NOX3: variants seen among roughly 807,000 people sequenced by gnomAD.
NOX3 encodes NADPH oxidase catalytic subunit-like 3.
Under a neutral mutation model 76.7 loss-of-function variants are expected in NOX3, and 74 were observed. The ratio of observed to expected loss-of-function variants is 0.96; its 90% CI spans 0.80 to 1.17. The LOEUF (loss-of-function observed/expected upper bound fraction) is 1.17. Ranked by LOEUF, NOX3 falls within the 50% of genes most tolerant of loss-of-function variation. NOX3 has a pLI of 0.00. For synonymous variants in NOX3, 263 were observed against 261.1 expected (o/e 1.01, Z -0.07); for missense variants, 695 against 703.3 (o/e 0.99, Z 0.13).
intron 6 of NOX3, among the ~76,000 whole-genome samples, chr6:155,438,660 C>T (rs185405612): frequency 1.3e-5 from 2 of 152,288 alleles, no homozygotes; most frequent in Admixed American, 1.3e-4. Flanking sequence ...AGGGCAAATC[C>T]CAAAGCGTTG....
At chr6:155,433,822 A>G (rs1776866444) in intron 7 of NOX3, among the ~76,000 whole-genome samples, 1 of 152,140 alleles carries the variant, frequency 6.6e-6, no homozygotes, top group Admixed American at 6.5e-5. Context: ...TTGGACCTCA[A>G]TTTCCTCAGC....
Position 155,455,119 on chromosome 6 carries a change from A to C in NOX3, c.59T>G (p.Leu20Arg), listed in dbSNP as rs755788943. Residue 20 changes from leucine to arginine, a missense_variant, in exon 2 of 14, where the codon CTG (leucine) becomes CGG (arginine). Leu to Arg is a moderately radical substitution (Grantham distance 102). Transcript: ENST00000159060. ...GLSTILVLSW[L>R]GINFYLFIDT... is the part of the protein sequence containing the mutation. ...AATAAACAGATAAAAATTTATTCCC[A>C]GCCATGAGAGCTAGAGTAGAAAGGA... is the stretch of plus-strand genomic sequence containing the variant. The C allele has an allele frequency of 6.2e-7, 1 of 1,607,916 alleles. No individual in the cohort carries two copies. The highest frequency in any genetic ancestry group is 8.5e-7 in the Non-Finnish European group (1 of 1,175,108).
intron 6 of NOX3, among the ~76,000 whole-genome samples, chr6:155,437,994 A>G (rs772765984): frequency 6.6e-6 from 1 of 152,238 alleles, no homozygotes; most frequent in Non-Finnish European, 1.5e-5. Flanking sequence ...TAAAAATTTC[A>G]TCTTATGAGA....
chr6:155,411,135 T>C (rs1776543938), intron 11 of NOX3, 79 bp downstream of exon 11: 1 of 1,244,740 alleles, frequency 8.0e-7, no homozygotes. Flanking sequence ...GAGTGCTACA[T>C]AGCTCATTAT....
chr6:155,416,316 T>C (rs1776620756), intron 10 of NOX3, among the ~76,000 whole-genome samples: 1 of 152,264 alleles, frequency 6.6e-6, no homozygotes, highest in Non-Finnish European at 1.5e-5. Context: ...AATTTCTCTC[T>C]GTGAAAAGAT....
At chr6:155,426,502 G>A (rs1172681375) in intron 9 of NOX3, among the ~76,000 whole-genome samples, 2 of 152,192 alleles carry the variant, frequency 1.3e-5, no homozygotes, top group African/African-American at 4.8e-5. Context: ...TGTTTCATGT[G>A]CAGTGGGAAG....
rs756608628 is a variant in NOX3 at position 155,454,853 on chromosome 6, A to C, written c.213T>G (p.Pro71=). 2 of 1,605,502 alleles carry C rather than the reference A, an allele frequency of 1.2e-6. No homozygotes were observed. Among genetic ancestry groups the C allele is most frequent in the South Asian group, 1.1e-5 (1 of 89,140 alleles). Residue 71 remains proline (P), a synonymous_variant, in exon 3 of 14, where the codon CCT becomes CCG. Coordinates refer to ENST00000159060, the MANE Select transcript of NOX3 (RefSeq NM_015718.3). ...TGAATGAAATAAGGTTTCGACTGAC[A>C]GGTATTAGAATTAGCATGCAGTTAA... is the stretch of plus-strand genomic sequence containing the variant. ...LNFNCMLILI[P]VSRNLISFIR... is the part of the protein sequence containing the mutation.
At chr6:155,406,777 C>T (rs759751551) in intron 12 of NOX3, among the ~76,000 whole-genome samples, 25 of 152,314 alleles carry the variant, frequency 1.6e-4, no homozygotes, top group Non-Finnish European at 3.2e-4. Context: ...TCTGCTTTTG[C>T]TAGACATGCT....
intron 11 of NOX3, 82 bp from the exon 12 acceptor site, chr6:155,407,336 C>A: frequency 1.5e-6 from 2 of 1,310,696 alleles, no homozygotes; most frequent in African/African-American, 1.5e-5. Flanking sequence ...TAATCATGTT[C>A]ATTTGTAGAT....
At chr6:155,430,766 C>T in intron 8 of NOX3, 77 bp downstream of exon 8, 1 of 867,698 alleles carries the variant, frequency 1.2e-6, no homozygotes, top group Non-Finnish European at 1.9e-6. Flanking sequence ...ATAAAAATGG[C>T]AAATTAAAAA....
intron 11 of NOX3, among the ~76,000 whole-genome samples, chr6:155,410,235 C>T (rs905123838): frequency 1.4e-4 from 21 of 152,052 alleles, no homozygotes; most frequent in African/African-American, 4.8e-4. Context: ...TACTGAATTT[C>T]TAGCAGAGTC....
intron 4 of NOX3, among the ~76,000 whole-genome samples, chr6:155,447,841 A>G (rs1464664428): frequency 6.6e-6 from 1 of 152,228 alleles, no homozygotes; most frequent in Non-Finnish European, 1.5e-5. Flanking sequence ...ACCAACCGCT[A>G]AATTCAGAAT....
chr6:155,424,999 T>G (rs1332112808), intron 9 of NOX3, among the ~76,000 whole-genome samples: 1 of 152,238 alleles, frequency 6.6e-6, no homozygotes, highest in Non-Finnish European at 1.5e-5. Context: ...AAATATTTGG[T>G]CTAAGTTCCC....
intron 7 of NOX3, among the ~76,000 whole-genome samples, chr6:155,433,136 G>C (rs951646406): frequency 6.6e-6 from 1 of 152,134 alleles, no homozygotes; most frequent in African/African-American, 2.4e-5. Context: ...TATTTTCCAC[G>C]TTGATAAAAT....
chr6:155,423,529 A>G (rs557854753), intron 9 of NOX3, among the ~76,000 whole-genome samples: 1 of 152,256 alleles, frequency 6.6e-6, no homozygotes, highest in South Asian at 2.1e-4. Flanking sequence ...AAGTATATTC[A>G]TTGAATAAAT....
chr6:155,407,169 C>T lies in NOX3; in HGVS notation c.1541G>A (p.Trp514Ter), dbSNP rs749685924. Residue 514 changes from tryptophan to a stop codon, truncating the protein, a stop_gained, in exon 12 of 14, where the codon TGG becomes TAG. Transcript: ENST00000159060. LOFTEE classifies it high-confidence loss of function. ...GGCAATCTGCTTGAACTCATTGTTC[C>T]AGTTGGGCCTCCCATAGAAGGTCTT... is the stretch of plus-strand genomic sequence containing the variant. Reference protein sequence around the residue: ...KQKTFYGRPNWNNEFKQIAYN... With the variant: ...KQKTFYGRPN 1.2e-6 allele frequency: 2 copies of T among 1,613,864 alleles called. No homozygotes were observed. Among genetic ancestry groups the T allele is most frequent in the African/African-American group, 2.7e-5 (2 of 74,862 alleles).
chr6:155,442,481 A>G (rs1777006567), intron 5 of NOX3, among the ~76,000 whole-genome samples: 1 of 152,202 alleles, frequency 6.6e-6, no homozygotes, highest in Admixed American at 6.5e-5. Flanking sequence ...AGGGATTTTC[A>G]TTGCTGAAGT....
intron 9 of NOX3, among the ~76,000 whole-genome samples, chr6:155,426,997 G>GTGTGTGTGTA (rs1776764743): frequency 1.6e-5 from 2 of 122,340 alleles, no homozygotes; most frequent in Admixed American, 1.6e-4. Flanking sequence ...GTGTGTGTGT[G>GTGTGTGTGTA]TGTGTGTGTG....
At chr6:155,431,122 T>C (rs550448697) in intron 7 of NOX3, among the ~76,000 whole-genome samples, 187 bp from the exon 8 acceptor site, 1 of 152,348 alleles carries the variant, frequency 6.6e-6, no homozygotes, top group Admixed American at 6.5e-5. Context: ...TTTATTGAAG[T>C]CTACAAGCTT....
Sources: allele counts gnomAD v4.1 joint callset (sites outside exome capture counted in the v4.1 genomes callset), GRCh38; gene constraint gnomAD v4.1.1; transcripts MANE v1.5; gene names NCBI Gene and HGNC (gene_info 2026-07-23, HGNC 2026-07-21).